The following ZFP2 variants were observed in gnomAD, a reference collection of about 807,000 sequenced individuals.
ZFP2 encodes zinc finger protein ZFP2.
ZFP2 carries 33 observed loss-of-function variants against 36.1 expected under a neutral mutation model. The ratio of observed to expected loss-of-function variants is 0.92; its 90% CI spans 0.69 to 1.22. ZFP2 has a LOEUF of 1.22. Ranked by LOEUF, ZFP2 falls within the 50% of genes most tolerant of loss-of-function variation. The probability of loss-of-function intolerance (pLI) is 0.00; values close to 1 mark genes in which losing one functional copy is unlikely to be tolerated. For missense variants in ZFP2, 522 were observed against 551.4 expected (o/e 0.95, Z 0.53); for synonymous variants, 170 against 178.0 (o/e 0.96, Z 0.36).
chr5:178,920,394 T>A (rs1168171675), intron 4 of ZFP2, among the ~76,000 whole-genome samples: 1 of 152,212 alleles, frequency 6.6e-6, no homozygotes, highest in East Asian at 1.9e-4. Flanking sequence ...ATCCCAGCAC[T>A]TTGAGAGGCC....
intron 1 of ZFP2, among the ~76,000 whole-genome samples, chr5:178,899,579 GTGTT>G (rs1758004498): frequency 6.6e-6 from 1 of 152,138 alleles, no homozygotes; most frequent in African/African-American, 2.4e-5. Flanking sequence ...AGGAGTTTGT[GTGTT>G]TGGCAGGGTG....
At chr5:178,930,000 C>T (rs1758791688) in intron 4 of ZFP2, among the ~76,000 whole-genome samples, 1 of 150,878 alleles carries the variant, frequency 6.6e-6, no homozygotes, top group Admixed American at 6.7e-5. Context: ...GGAGCAGGCA[C>T]ATCAAATGGC....
rs1050904174 is a variant in ZFP2, at chr5:178,909,993, T to A, written c.-449-2591T>A. Reference sequence around the variant, plus strand: ...AGAATTGTTCTGGGTAGAGACTAGTTTCCATAGGGTGATGGCTATTTGCCG... The same window carrying A: ...AGAATTGTTCTGGGTAGAGACTAGTATCCATAGGGTGATGGCTATTTGCCG... On this transcript the variant is annotated intron_variant, in intron 1 of 4. Coordinates refer to ENST00000361362, the MANE Select transcript of ZFP2 (RefSeq NM_030613.4). 1.1e-4 allele frequency: 156 copies of A among 1,417,882 alleles called. No individual in the cohort carries two copies. The Middle Eastern group carries it at 1.4e-3, about 13-fold the overall frequency. The allele number at this position is 1,417,882 out of a possible 1,614,324, so 87.8% of individuals were successfully genotyped here. A position where few individuals can be genotyped will look rare whatever the true frequency, so the allele number is the denominator to read the frequency against.
chr5:178,910,377 G>A (rs754310805), intron 1 of ZFP2: 7 of 1,003,524 alleles, frequency 7.0e-6, no homozygotes, highest in Non-Finnish European at 1.1e-5. Flanking sequence ...CTCGGCACTG[G>A]AGTTGGACTC....
At chr5:178,916,341 C>T (rs1488597025) in intron 3 of ZFP2, among the ~76,000 whole-genome samples, 1 of 152,172 alleles carries the variant, frequency 6.6e-6, no homozygotes, top group Non-Finnish European at 1.5e-5. Context: ...CTTTTAAGTA[C>T]AGACTGTCGT....
intron 4 of ZFP2, among the ~76,000 whole-genome samples, chr5:178,923,231 A>G (rs1242254243): frequency 1.3e-5 from 2 of 149,616 alleles, no homozygotes; most frequent in Admixed American, 1.3e-4. Flanking sequence ...CAGCACCGCC[A>G]TCCGTCTCCA....
At chr5:178,910,323 T>C (rs1365681537) in intron 1 of ZFP2, 3 of 1,189,178 alleles carry the variant, frequency 2.5e-6, no homozygotes, top group Non-Finnish European at 2.5e-6. Context: ...CCACTCATCC[T>C]TGTAGCACCT....
chr5:178,902,206 T>C (rs1375108313), intron 1 of ZFP2, among the ~76,000 whole-genome samples: 1 of 152,144 alleles, frequency 6.6e-6, no homozygotes, highest in African/African-American at 2.4e-5. Context: ...TCTCTTCCTG[T>C]ATACACACAC....
chr5:178,927,790 G>A (rs1488132410), intron 4 of ZFP2, among the ~76,000 whole-genome samples: 9 of 151,124 alleles, frequency 6.0e-5, no homozygotes, highest in Non-Finnish European at 1.3e-4. Flanking sequence ...GCCCACCTCA[G>A]CCTCCCAAAG....
intron 4 of ZFP2, among the ~76,000 whole-genome samples, chr5:178,919,879 G>A (rs1410615611): frequency 3.3e-5 from 5 of 151,942 alleles, no homozygotes; most frequent in Non-Finnish European, 5.9e-5. Context: ...CACGGGAATC[G>A]CTTGAACCCA....
chr5:178,916,557 C>G lies in ZFP2; in HGVS notation c.-223-8C>G, dbSNP rs1295032866. ...TGATTTGCAAACTCCAGATCTTGTT[C>G]TTTCCAGATTTTCTTGGATATTGCT... is the stretch of plus-strand genomic sequence containing the variant. On this transcript the variant is annotated splice_polypyrimidine_tract_variant and splice_region_variant and intron_variant, in intron 3 of 4. Coordinates refer to ENST00000361362, the MANE Select transcript of ZFP2 (RefSeq NM_030613.4). The G allele has an allele frequency of 1.2e-5, 12 of 985,286 alleles. No individual in the cohort carries two copies. In the African/African-American group the frequency reaches 1.9e-4, roughly 16 times the overall value. The allele number at this position is 985,286 out of a possible 1,614,324, so 61.0% of individuals were successfully genotyped here. A position where few individuals can be genotyped will look rare whatever the true frequency, so the allele number is the denominator to read the frequency against.
At chr5:178,921,688 G>A (rs569212555) in intron 4 of ZFP2, among the ~76,000 whole-genome samples, 1 of 149,634 alleles carries the variant, frequency 6.7e-6, no homozygotes, top group Admixed American at 6.7e-5. Flanking sequence ...TCCTGCCTCA[G>A]TGCCTGTTTT....
rs1758606377 is a variant in ZFP2, at chr5:178,923,646, T to G, written c.-78+6936T>G. ...GTGGAGTGCTGACCATGTGGAGTTC[T>G]TGAGTCACATCAGTTCTTGCAGGCA... On this transcript the variant is annotated intron_variant, in intron 4 of 4. Transcript: ENST00000361362. Among the ~76,000 whole-genome samples the G allele has an allele frequency of 1.3e-5, 2 of 149,564 alleles. 1 individual carries two copies. Among genetic ancestry groups the G allele is most frequent in the African/African-American group, 4.9e-5 (2 of 41,200 alleles).
At chr5:178,929,001 G>A (rs1758758080) in intron 4 of ZFP2, among the ~76,000 whole-genome samples, 1 of 152,244 alleles carries the variant, frequency 6.6e-6, no homozygotes, top group Admixed American at 6.5e-5. Flanking sequence ...AAGGCTTACA[G>A]CTTGCACCCT....
intron 4 of ZFP2, among the ~76,000 whole-genome samples, chr5:178,924,829 CAA>C (rs955403003): frequency 6.8e-6 from 1 of 148,122 alleles, no homozygotes; most frequent in Non-Finnish European, 1.5e-5. Flanking sequence ...CCCTGGGCGA[CAA>C]GAGCAAAACT....
chr5:178,903,441 T>C (rs1393893757), intron 1 of ZFP2, among the ~76,000 whole-genome samples: 2 of 152,226 alleles, frequency 1.3e-5, no homozygotes, highest in Non-Finnish European at 2.9e-5. Context: ...ACAACTATGA[T>C]GTACATTCTT....
chr5:178,929,769 C>T (rs988391169), intron 4 of ZFP2, among the ~76,000 whole-genome samples: 2 of 152,166 alleles, frequency 1.3e-5, no homozygotes, highest in Non-Finnish European at 2.9e-5. Flanking sequence ...GTCACCTCCA[C>T]ATTTTCAGGT....
intron 3 of ZFP2, among the ~76,000 whole-genome samples, chr5:178,916,141 C>T (rs1024954981): frequency 2.1e-5 from 2 of 97,410 alleles, no homozygotes; most frequent in African/African-American, 6.4e-5. Context: ...GAGGAGAGGG[C>T]CCAGCAGGAG....
chr5:178,930,314 CTTTTTTTTTTTTT>C (rs990713790), intron 4 of ZFP2, among the ~76,000 whole-genome samples: 2 of 71,324 alleles, frequency 2.8e-5, no homozygotes, highest in East Asian at 4.6e-4. Flanking sequence ...TTTCCCTTTC[CTTTTTTTTTTTTT>C]TTTTTTTTTT....
Sources: gnomAD v4.1 joint callset for allele counts (sites outside exome capture counted in the v4.1 genomes callset) on GRCh38, gnomAD v4.1.1 for gene constraint, MANE v1.5 for transcripts, NCBI Gene and HGNC (gene_info 2026-07-23, HGNC 2026-07-21) for gene names.